FAM227A: variants seen among roughly 807,000 people sequenced by gnomAD.
The protein encoded by FAM227A is protein FAM227A.
FAM227A carries 80 observed loss-of-function variants against 74.7 expected under a neutral mutation model. The ratio of observed to expected loss-of-function variants is 1.07; its 90% confidence interval spans 0.89 to 1.29. FAM227A has a LOEUF of 1.29. Ranked by LOEUF, FAM227A falls within the 50% of genes most tolerant of loss-of-function variation. The pLI is 0.00. For synonymous variants in FAM227A, 237 were observed against 241.8 expected (o/e 0.98, Z 0.19); for missense variants, 654 against 683.4 (o/e 0.96, Z 0.48).
At chr22:38,613,319 T>A (rs1348088045) in intron 11 of FAM227A, among the ~76,000 whole-genome samples, 5 of 78,542 alleles carry the variant, frequency 6.4e-5, no homozygotes, top group African/African-American at 2.8e-4. Context: ...TAACATATAA[T>A]ATATATCATA....
chr22:38,629,170 A>G (rs1295142550), intron 6 of FAM227A, among the ~76,000 whole-genome samples: 1 of 152,176 alleles, frequency 6.6e-6, no homozygotes, highest in Non-Finnish European at 1.5e-5. Flanking sequence ...CAGGACTGGA[A>G]CCCACAAATC....
chr22:38,620,300 G>T lies in FAM227A; in HGVS notation c.959-9C>A, dbSNP rs1355628023. 1.3e-6 allele frequency: 2 copies of T among 1,543,960 alleles called. No individual in the cohort carries two copies. Among genetic ancestry groups the T allele is most frequent in the Non-Finnish European group, 1.8e-6 (2 of 1,140,138 alleles). ...CAAAGAAAACTCTCTCCCTATAGAA[G>T]GGGAAAAGCTGTTATTAATTCCTCT... On this transcript the variant is annotated splice_polypyrimidine_tract_variant and intron_variant, in intron 10 of 16. Transcript: ENST00000535113.
chr22:38,653,419 C>T (rs2092349185), intron 1 of FAM227A, among the ~76,000 whole-genome samples: 2 of 151,216 alleles, frequency 1.3e-5, no homozygotes, highest in African/African-American at 2.4e-5. Flanking sequence ...TCTTGTTGCC[C>T]AGGCTGGAAT....
intron 3 of FAM227A, among the ~76,000 whole-genome samples, chr22:38,642,717 C>T (rs888643188): frequency 2.0e-5 from 3 of 152,172 alleles, no homozygotes; most frequent in South Asian, 4.2e-4. Flanking sequence ...GAGCGGATCA[C>T]TTGAGGTCGG....
chr22:38,636,272 C>G (rs907743242), intron 6 of FAM227A, among the ~76,000 whole-genome samples, 179 bp downstream of exon 6: 5 of 152,146 alleles, frequency 3.3e-5, no homozygotes, highest in African/African-American at 1.2e-4. Flanking sequence ...GACCGTTGCT[C>G]TGGTAGAAGG....
chr22:38,613,146 TTATA>T (rs1255761257), intron 11 of FAM227A, among the ~76,000 whole-genome samples: 2 of 90,132 alleles, frequency 2.2e-5, no homozygotes, highest in Admixed American at 2.1e-4. Context: ...AATATATATA[TTATA>T]TATTATATAT....
At chr22:38,594,347 T>C (rs1173661573) in intron 15 of FAM227A, among the ~76,000 whole-genome samples, 1 of 152,226 alleles carries the variant, frequency 6.6e-6, no homozygotes, top group Non-Finnish European at 1.5e-5. Context: ...CCCTGACTTA[T>C]GTGGTTGCCC....
chr22:38,603,126 G>T (rs552588996), intron 13 of FAM227A, among the ~76,000 whole-genome samples: 3 of 151,976 alleles, frequency 2.0e-5, no homozygotes, highest in South Asian at 4.2e-4. Context: ...TGCCCACCTC[G>T]ACCTCCCAAA....
intron 4 of FAM227A, 60 bp from the exon 5 acceptor site, chr22:38,638,882 G>A (rs542325342): frequency 4.0e-5 from 45 of 1,116,562 alleles, no homozygotes; most frequent in Admixed American, 1.1e-4. Context: ...ACAGCTGTGC[G>A]GTGCTTACAA....
chr22:38,595,138 A>G (rs1344092560), intron 15 of FAM227A, among the ~76,000 whole-genome samples: 2 of 152,202 alleles, frequency 1.3e-5, no homozygotes, highest in Non-Finnish European at 2.9e-5. Flanking sequence ...ATTGTATTAT[A>G]TTGCATAACA....
intron 14 of FAM227A, among the ~76,000 whole-genome samples, chr22:38,597,976 G>C (rs2091084565): frequency 1.3e-5 from 2 of 150,740 alleles, no homozygotes. Flanking sequence ...CCAGGAGGCG[G>C]AAGTTGCGGT....
Position 38,582,249 on chromosome 22 carries a change from G to A in FAM227A, c.*3876C>T. ...TATCCCCTCTCCAGCTATCCCTCCT[G>A]TTCTTCAGGAAACTGTATGTTCTAA... On this transcript the variant is annotated 3_prime_UTR_variant, in exon 17 of 17. Coordinates refer to ENST00000535113, the MANE Select transcript of FAM227A (RefSeq NM_001013647.2). 3 of 1,294,040 alleles carry A rather than the reference G, an allele frequency of 2.3e-6. No homozygotes were observed. The highest frequency in any genetic ancestry group is 3.2e-6 in the Non-Finnish European group (3 of 933,786). 80.2% of individuals were successfully genotyped at this position (1,294,040 alleles called of 1,614,324 possible).
intron 9 of FAM227A, among the ~76,000 whole-genome samples, chr22:38,623,908 G>C (rs1764920527): frequency 6.6e-6 from 1 of 152,190 alleles, no homozygotes; most frequent in South Asian, 2.1e-4. Flanking sequence ...AGGATTACTT[G>C]AGACATTTGA....
At chr22:38,621,923 C>G (rs1275246211) in intron 10 of FAM227A, among the ~76,000 whole-genome samples, 2 of 152,166 alleles carry the variant, frequency 1.3e-5, no homozygotes, top group African/African-American at 2.4e-5. Flanking sequence ...CTGAATCCCC[C>G]CCACTGCAGT....
rs1384078338 is a variant in FAM227A at position 38,579,871 on chromosome 22, G to C, written c.*6254C>G. 5 of 151,634 alleles carry C rather than the reference G, an allele frequency of 3.3e-5. No homozygotes were observed. Among genetic ancestry groups the C allele is most frequent in the African/African-American group, 9.7e-5 (4 of 41,300 alleles). 9.4% of individuals were successfully genotyped at this position (151,634 alleles called of 1,614,324 possible). A position where few individuals can be genotyped will look rare whatever the true frequency, so the allele number is the denominator to read the frequency against. On this transcript the variant is annotated 3_prime_UTR_variant, in exon 17 of 17. Transcript: ENST00000535113. ...ATTTGTCTCATAAATGCCACATTTTGTTTCAATGGGATCCAAATAATGTCC... is the reference window on the plus strand; with the variant it reads ...ATTTGTCTCATAAATGCCACATTTTCTTTCAATGGGATCCAAATAATGTCC...
intron 11 of FAM227A, among the ~76,000 whole-genome samples, chr22:38,613,144 T>TA (rs1361062566): frequency 2.6e-4 from 22 of 86,010 alleles, no homozygotes; most frequent in African/African-American, 9.6e-4. Context: ...ATAATATATA[T>TA]ATTATATATT....
In FAM227A at chr22:38,583,114, C is replaced by A; in HGVS notation, c.*3011G>T. ...TGAGAGAGTGTTCTGCTTATCTGCC[C>A]CACATGGTGCCTTGTACTCGGCAGG... On this transcript the variant is annotated 3_prime_UTR_variant, in exon 17 of 17. Transcript: ENST00000535113. 1 of 688,054 alleles carries A rather than the reference C, an allele frequency of 1.5e-6. No individual in the cohort carries two copies. Among genetic ancestry groups the A allele is most frequent in the Non-Finnish European group, 2.4e-6 (1 of 413,690 alleles). 42.6% of individuals were successfully genotyped at this position (688,054 alleles called of 1,614,324 possible). A position where few individuals can be genotyped will look rare whatever the true frequency, so the allele number is the denominator to read the frequency against.
At chr22:38,605,209 C>A (rs777339726) in intron 13 of FAM227A, 45 bp downstream of exon 13, 6 of 1,097,280 alleles carry the variant, frequency 5.5e-6, no homozygotes, top group Middle Eastern at 2.0e-4. Flanking sequence ...CCTCTCACCC[C>A]CTTTGGAATC....
intron 9 of FAM227A, among the ~76,000 whole-genome samples, chr22:38,623,964 G>T (rs957565450): frequency 3.9e-5 from 6 of 152,162 alleles, no homozygotes; most frequent in African/African-American, 1.4e-4. Flanking sequence ...GTGGACAGGG[G>T]GTTTATTACT....
Sources: gnomAD v4.1 joint callset for allele counts (sites outside exome capture counted in the v4.1 genomes callset) on GRCh38, gnomAD v4.1.1 for gene constraint, MANE v1.5 for transcripts, NCBI Gene and HGNC (gene_info 2026-07-23, HGNC 2026-07-21) for gene names.